Variants in SNX8 observed in about 807,000 individuals in gnomAD.
SNX8 encodes sorting nexin 8.
A neutral mutation model predicts 51.6 loss-of-function variants in SNX8; 25 were observed. The ratio of observed to expected loss-of-function variants is 0.48; its 90% CI spans 0.35 to 0.68. The LOEUF is 0.68. Ranked by LOEUF, SNX8 falls within the 30% of genes least tolerant of loss-of-function variation. SNX8 has a pLI of 0.00. For missense variants in SNX8, 695 were observed against 624.0 expected, an observed-to-expected ratio of 1.11 and a Z score of -1.21; for synonymous variants, 324 against 277.0, an observed-to-expected ratio of 1.17 and a Z score of -1.68.
At chr7:2,305,594 C>A (rs1487948903) in intron 1 of SNX8, among the ~76,000 whole-genome samples, 1 of 152,040 alleles carries the variant, frequency 6.6e-6, no homozygotes, top group Non-Finnish European at 1.5e-5. Flanking sequence ...GAACTCCTGA[C>A]CTCAGGTGAT....
upstream of SNX8, among the ~76,000 whole-genome samples, chr7:2,317,251 C>CTTTTTTTTTTTTTTTT (rs780593342): frequency 2.3e-5 from 1 of 43,090 alleles, no homozygotes; most frequent in African/African-American, 7.9e-5. Context: ...CCTGGACCTT[C>CTTTTTTTTTTTTTTTT]TTTTTTTTTT....
At chr7:2,268,486 T>C (rs1795544914) in intron 5 of SNX8, among the ~76,000 whole-genome samples, 3 of 130,260 alleles carry the variant, frequency 2.3e-5, no homozygotes, top group Non-Finnish European at 3.3e-5. Context: ...AGCCGCCCCA[T>C]CCGGGAGGGA....
At chr7:2,320,656 C>T (rs997521476) in intron 1 of SNX8, among the ~76,000 whole-genome samples, 13 of 151,880 alleles carry the variant, frequency 8.6e-5, no homozygotes, top group Non-Finnish European at 1.2e-4. Flanking sequence ...CCTGGGAGGT[C>T]GAGGCTGCAG....
intron 10 of SNX8, among the ~76,000 whole-genome samples, chr7:2,256,669 A>G (rs1795186262): frequency 6.6e-6 from 1 of 152,190 alleles, no homozygotes; most frequent in Non-Finnish European, 1.5e-5. Context: ...CAGGAATCAC[A>G]GGGACACCCT....
chr7:2,339,284 C>T (rs1778881301), intron 1 of SNX8, among the ~76,000 whole-genome samples: 1 of 152,162 alleles, frequency 6.6e-6, no homozygotes, highest in African/African-American at 2.4e-5. Context: ...CGGCTCACTG[C>T]AACCTCCACC....
intron 1 of SNX8, among the ~76,000 whole-genome samples, chr7:2,328,933 A>G (rs1188325142): frequency 6.6e-6 from 1 of 152,092 alleles, no homozygotes; most frequent in Non-Finnish European, 1.5e-5. Context: ...AAAATACAAA[A>G]AAGTTAGCCG....
chr7:2,338,789 G>C lies in SNX8; in HGVS notation c.-66+15433C>G, dbSNP rs566903777. 3.9e-5 allele frequency among the ~76,000 whole-genome samples: 6 copies of C among 152,292 alleles called. No individual in the cohort carries two copies. The South Asian group carries it at 1.2e-3, about 32-fold the overall frequency. On this transcript the variant is annotated intron_variant, in intron 1 of 5. Transcript: ENST00000435336. ...TTCAAGAGCAAAATACTGGCAGGGT[G>C]TGGTGGCTCATGCCTATAATTTCAG... is the stretch of plus-strand genomic sequence containing the variant.
At chr7:2,284,443 C>A (rs1795976604) in intron 1 of SNX8, among the ~76,000 whole-genome samples, 1 of 132,222 alleles carries the variant, frequency 7.6e-6, no homozygotes, top group Admixed American at 8.8e-5. Context: ...ACTCTGTTGC[C>A]CAGGCTGGAG....
At chr7:2,312,218 C>A (rs982176269) in intron 1 of SNX8, among the ~76,000 whole-genome samples, 7 of 152,164 alleles carry the variant, frequency 4.6e-5, no homozygotes, top group Non-Finnish European at 1.0e-4. Flanking sequence ...CCCAGAGACA[C>A]AGCTCCCTCA....
At chr7:2,344,735 A>G (rs1778990149) in intron 1 of SNX8, among the ~76,000 whole-genome samples, 1 of 152,048 alleles carries the variant, frequency 6.6e-6, no homozygotes. Context: ...AGCCTGGCCA[A>G]CAGGATGAAA....
intron 1 of SNX8, among the ~76,000 whole-genome samples, chr7:2,283,758 G>T (rs148543693): frequency 6.6e-6 from 1 of 152,170 alleles, no homozygotes; most frequent in East Asian, 1.9e-4. Context: ...CACTCCCAGC[G>T]TCTCTCCAAC....
intron 1 of SNX8, among the ~76,000 whole-genome samples, chr7:2,289,629 T>A (rs1227724013): frequency 2.6e-5 from 4 of 152,182 alleles, no homozygotes; most frequent in Non-Finnish European, 5.9e-5. Flanking sequence ...TTTCTCTTTT[T>A]TTTAATGCGG....
intron 5 of SNX8, among the ~76,000 whole-genome samples, chr7:2,267,788 A>G (rs1370156411): frequency 1.2e-4 from 13 of 109,766 alleles, no homozygotes; most frequent in South Asian, 3.5e-4. Context: ...CTGGGATGTG[A>G]GGAGCCCCTC....
chr7:2,255,064 G>C lies in SNX8; in HGVS notation c.1390C>G (p.Pro464Ala). Residue 464 changes from proline (P) to alanine (A), a missense_variant, in exon 11 of 11, where the codon CCT becomes GCT. Transcript: ENST00000222990. ...PCSPPEDGLC[P>A]H The stretch of plus-strand genomic sequence containing the variant: ...CACCTCAGCCTCAGGCGCTAGTGAG[G>C]ACACAGGCCGTCCTCCGGCGGGGAG... 2 of 1,565,880 alleles carry C rather than the reference G, an allele frequency of 1.3e-6. No homozygotes were observed. The highest frequency in any genetic ancestry group is 1.7e-6 in the Non-Finnish European group (2 of 1,155,096).
chr7:2,331,446 C>A (rs1270269427), intron 1 of SNX8, among the ~76,000 whole-genome samples: 1 of 151,920 alleles, frequency 6.6e-6, no homozygotes, highest in Non-Finnish European at 1.5e-5. Flanking sequence ...GTGGCTCATG[C>A]CTGTAATCCC....
intron 1 of SNX8, among the ~76,000 whole-genome samples, chr7:2,302,461 C>G (rs185237377): frequency 0.048 from 7,349 of 152,256 alleles, 322 homozygotes; most frequent in African/African-American, 0.11. Context: ...ACAACCTCCA[C>G]CTCCCAGCCG....
At chr7:2,255,242 C>T in intron 10 of SNX8, 73 bp from the exon 11 acceptor site, 3 of 974,328 alleles carry the variant, frequency 3.1e-6, no homozygotes, top group Non-Finnish European at 4.5e-6. Context: ...ATCCCAGTTC[C>T]TTCGCCTGCC....
intron 1 of SNX8, among the ~76,000 whole-genome samples, chr7:2,290,703 G>A (rs558306211): frequency 6.6e-6 from 1 of 152,280 alleles, no homozygotes; most frequent in Admixed American, 6.5e-5. Context: ...TGGTGATGGG[G>A]ACCGCGCCTC....
At chr7:2,344,330 A>C (rs1000792990) in intron 1 of SNX8, among the ~76,000 whole-genome samples, 3 of 152,038 alleles carry the variant, frequency 2.0e-5, no homozygotes, top group African/African-American at 7.2e-5. Context: ...TTATTAAAAA[A>C]ATTATAGACA....
Sources: gnomAD v4.1 joint callset for allele counts (sites outside exome capture counted in the v4.1 genomes callset) on GRCh38, gnomAD v4.1.1 for gene constraint, MANE v1.5 for transcripts, NCBI Gene and HGNC (gene_info 2026-07-23, HGNC 2026-07-21) for gene names.